Variants in KCNN2 observed in about 807,000 individuals in gnomAD.
The protein encoded by KCNN2 is small conductance calcium-activated potassium channel protein 2.
Under a neutral mutation model 55.5 loss-of-function variants are expected in KCNN2, and 24 were observed. That is an observed-to-expected ratio of 0.43 (90% CI 0.31 to 0.61). The LOEUF (loss-of-function observed/expected upper bound fraction) is 0.61, where lower values mean the gene tolerates loss of function less well. Ranked by LOEUF, KCNN2 falls within the 20% of genes least tolerant of loss-of-function variation. KCNN2 has a pLI of 0.08. For missense variants in KCNN2, 754 were observed against 853.6 expected, an observed-to-expected ratio of 0.88 and a Z score of 1.45; for synonymous variants, 431 against 336.1, an observed-to-expected ratio of 1.28 and a Z score of -3.09.
intron 5 of KCNN2, among the ~76,000 whole-genome samples, chr5:114,480,116 C>G (rs917057269): frequency 6.6e-6 from 1 of 151,532 alleles, no homozygotes; most frequent in Non-Finnish European, 1.5e-5. Flanking sequence ...AATAGATAGA[C>G]CACTAGATAG....
In KCNN2 at chr5:114,362,838, C is replaced by G; in HGVS notation, c.699C>G (p.Arg233=). The G allele has an allele frequency of 6.2e-7, 1 of 1,600,148 alleles. No individual in the cohort carries two copies. Among genetic ancestry groups the G allele is most frequent in the African/African-American group, 1.3e-5 (1 of 74,962 alleles). Residue 233 remains arginine, a synonymous_variant, in exon 1 of 8, where the codon CGC becomes CGG. Coordinates refer to ENST00000673685, the MANE Select transcript of KCNN2 (RefSeq NM_021614.4). Reference sequence around the variant, plus strand: ...CGCTCAGCAACTTGAGCGCGTCCCGCCGGAACCTGCACGAGATGGACTCAG... The same window carrying G: ...CGCTCAGCAACTTGAGCGCGTCCCGGCGGAACCTGCACGAGATGGACTCAG... The part of the protein sequence containing the change: ...MRPLSNLSAS[R]RNLHEMDSEA...
chr5:114,316,962 C>G (rs900289156), intron 2 of KCNN2, among the ~76,000 whole-genome samples: 1 of 152,188 alleles, frequency 6.6e-6, no homozygotes, highest in Non-Finnish European at 1.5e-5. Flanking sequence ...GAATAAATTC[C>G]AAACCTTGAG....
chr5:114,447,791 G>A (rs1760479674), intron 3 of KCNN2, among the ~76,000 whole-genome samples: 1 of 152,220 alleles, frequency 6.6e-6, no homozygotes, highest in African/African-American at 2.4e-5. Flanking sequence ...TTGATGAGCT[G>A]AGTATGTACC....
chr5:114,454,129 C>G (rs551979854), intron 3 of KCNN2, among the ~76,000 whole-genome samples: 2 of 152,240 alleles, frequency 1.3e-5, no homozygotes, highest in East Asian at 3.9e-4. Flanking sequence ...CAGCTTCATC[C>G]ATGTCCCTGC....
At chr5:114,145,680 A>G (rs972522130) in intron 1 of KCNN2, among the ~76,000 whole-genome samples, 2 of 142,828 alleles carry the variant, frequency 1.4e-5, no homozygotes, top group Non-Finnish European at 3.1e-5. Flanking sequence ...TCCAAATACT[A>G]TCATTAACAT....
chr5:114,312,459 A>C (rs1255261169), intron 2 of KCNN2, among the ~76,000 whole-genome samples: 1 of 100,234 alleles, frequency 1.0e-5, no homozygotes, highest in Non-Finnish European at 2.0e-5. Flanking sequence ...ATATATATAT[A>C]TATATATATA....
At chr5:114,190,556 G>T (rs1158406855) in intron 1 of KCNN2, among the ~76,000 whole-genome samples, 1 of 151,896 alleles carries the variant, frequency 6.6e-6, no homozygotes, top group Non-Finnish European at 1.5e-5. Flanking sequence ...TAAAAGGGTA[G>T]GAATATGAAA....
chr5:114,063,318 C>T (rs565305081), intron 1 of KCNN2, among the ~76,000 whole-genome samples: 1 of 152,306 alleles, frequency 6.6e-6, no homozygotes, highest in African/African-American at 2.4e-5. Flanking sequence ...ACTCATCCTG[C>T]TATGCTTTTT....
At chr5:114,142,253 T>C (rs1752300111) in intron 1 of KCNN2, among the ~76,000 whole-genome samples, 1 of 152,232 alleles carries the variant, frequency 6.6e-6, no homozygotes, top group African/African-American at 2.4e-5. Context: ...TCTAGGGTTT[T>C]TATGGTTTTA....
At chr5:114,331,701 T>G (rs1251367037) in intron 2 of KCNN2, among the ~76,000 whole-genome samples, 1 of 152,238 alleles carries the variant, frequency 6.6e-6, no homozygotes, top group Non-Finnish European at 1.5e-5. Context: ...AAGTATGTTC[T>G]CTATAAACAT....
At chr5:114,476,382 G>A (rs1022501005) in intron 5 of KCNN2, among the ~76,000 whole-genome samples, 32 of 151,756 alleles carry the variant, frequency 2.1e-4, no homozygotes, top group African/African-American at 6.1e-4. Context: ...TCTTGAGACC[G>A]GAGTCTCTTA....
chr5:114,397,729 C>T (rs528390552), intron 2 of KCNN2, among the ~76,000 whole-genome samples: 1 of 152,270 alleles, frequency 6.6e-6, no homozygotes, highest in South Asian at 2.1e-4. Flanking sequence ...GCCATTCTAA[C>T]TGGTGTCAGA....
intron 2 of KCNN2, among the ~76,000 whole-genome samples, chr5:114,365,483 G>T (rs2039607124): frequency 6.6e-6 from 1 of 152,108 alleles, no homozygotes; most frequent in African/African-American, 2.4e-5. Flanking sequence ...AATTAGAGCT[G>T]GAAGGAACAA....
rs374137805 is a variant in KCNN2 at position 114,363,043 on chromosome 5, A to G, written c.904A>G (p.Thr302Ala). 1.2e-6 allele frequency: 2 copies of G among 1,606,612 alleles called. No homozygotes were observed. Reference protein sequence around the residue: ...ALYGTGGGGSTGGGGGGGGSG... With the variant: ...ALYGTGGGGSAGGGGGGGGSG... ...CTATGGAACCGGCGGCGGAGGCAGCACTGGAGGAGGCGGCGGCGGTGGCGG... is the reference window on the plus strand; with the variant it reads ...CTATGGAACCGGCGGCGGAGGCAGCGCTGGAGGAGGCGGCGGCGGTGGCGG... Residue 302 changes from threonine (T) to alanine (A), a missense_variant, in exon 1 of 8, where the codon ACT (threonine) becomes GCT (alanine). By Grantham distance (58) the Thr-to-Ala change is moderately conservative. Transcript: ENST00000673685.
chr5:114,060,377 G>A (rs138838829), intron 1 of KCNN2, among the ~76,000 whole-genome samples: 3 of 152,326 alleles, frequency 2.0e-5, no homozygotes, highest in Admixed American at 6.5e-5. Flanking sequence ...GATCCCTTAT[G>A]TCCCTTATTT....
At chr5:114,330,566 C>G (rs1396804563) in intron 2 of KCNN2, among the ~76,000 whole-genome samples, 1 of 152,102 alleles carries the variant, frequency 6.6e-6, no homozygotes, top group African/African-American at 2.4e-5. Flanking sequence ...ACACTCCACC[C>G]TCTAGATAAA....
chr5:114,182,898 A>G (rs995340344), intron 1 of KCNN2, among the ~76,000 whole-genome samples: 4 of 152,080 alleles, frequency 2.6e-5, no homozygotes, highest in Admixed American at 2.6e-4. Flanking sequence ...TTTCAGCACA[A>G]TGTTGAATAG....
At chr5:114,313,320 T>G (rs551167508) in intron 2 of KCNN2, among the ~76,000 whole-genome samples, 2 of 152,242 alleles carry the variant, frequency 1.3e-5, no homozygotes, top group African/African-American at 4.8e-5. Context: ...CACACAACAG[T>G]TAACTATAGC....
intron 2 of KCNN2, among the ~76,000 whole-genome samples, chr5:114,340,466 G>T (rs1756995638): frequency 6.6e-6 from 1 of 151,832 alleles, no homozygotes; most frequent in Admixed American, 6.6e-5. Flanking sequence ...ATTTCCTTTG[G>T]TTAATTTACT....
Sources: allele counts gnomAD v4.1 joint callset (sites outside exome capture counted in the v4.1 genomes callset), GRCh38; gene constraint gnomAD v4.1.1; transcripts MANE v1.5; gene names NCBI Gene and HGNC (gene_info 2026-07-23, HGNC 2026-07-21).